Variants in GLRA3 observed in about 807,000 individuals in gnomAD.
The protein encoded by GLRA3 is glycine receptor alpha 3.
GLRA3 carries 44 observed loss-of-function variants against 60.4 expected under a neutral mutation model. That is an observed-to-expected ratio of 0.73 (90% CI 0.57 to 0.94). GLRA3 has a LOEUF of 0.94. GLRA3 is among the 40% of genes least tolerant of loss of function. GLRA3 has a pLI of 0.00. For missense variants in GLRA3, 508 were observed against 564.6 expected (o/e 0.90, Z 1.02); for synonymous variants, 223 against 192.9 (o/e 1.16, Z -1.29).
intron 3 of GLRA3, among the ~76,000 whole-genome samples, chr4:174,729,680 A>T (rs1736479929): frequency 6.6e-6 from 1 of 152,140 alleles, no homozygotes; most frequent in Admixed American, 6.6e-5. Flanking sequence ...CTTTATAAAT[A>T]TTTTTTTCTA....
chr4:174,675,895 A>G (rs775274995), intron 7 of GLRA3, among the ~76,000 whole-genome samples: 1 of 152,292 alleles, frequency 6.6e-6, no homozygotes, highest in South Asian at 2.1e-4. Flanking sequence ...CATAGAATGA[A>G]CTAATAGAAA....
chr4:174,806,107 A>G (rs1435876651), intron 1 of GLRA3, among the ~76,000 whole-genome samples: 1 of 152,166 alleles, frequency 6.6e-6, no homozygotes, highest in African/African-American at 2.4e-5. Context: ...TTCCTTGTAA[A>G]CATTTTTGAT....
chr4:174,657,743 G>A lies in GLRA3; in HGVS notation c.1072-956C>T, dbSNP rs541963784. On this transcript the variant is annotated intron_variant, in intron 8 of 9. Transcript: ENST00000274093. ...ACCAGTAGACCAGGGTGAGGTGAGGGAAGAAGATAAAGTTAATCTCCCCAT... is the reference window on the plus strand; with the variant it reads ...ACCAGTAGACCAGGGTGAGGTGAGGAAAGAAGATAAAGTTAATCTCCCCAT... 1.6e-4 allele frequency among the ~76,000 whole-genome samples: 24 copies of A among 152,180 alleles called. 1 individual carries two copies. The South Asian group carries it at 3.5e-3, about 22-fold the overall frequency.
intron 3 of GLRA3, among the ~76,000 whole-genome samples, chr4:174,749,360 A>G (rs749301154): frequency 8.5e-5 from 13 of 152,142 alleles, no homozygotes; most frequent in Non-Finnish European, 1.9e-4. Flanking sequence ...ACTGAATGCA[A>G]CTGGAGCAAT....
intron 3 of GLRA3, among the ~76,000 whole-genome samples, chr4:174,734,555 T>C (rs901872639): frequency 2.0e-5 from 3 of 152,140 alleles, no homozygotes; most frequent in African/African-American, 7.2e-5. Flanking sequence ...ACTTCTCCAT[T>C]ATCCATATGT....
At chr4:174,771,160 C>G (rs929702399) in intron 2 of GLRA3, among the ~76,000 whole-genome samples, 4 of 151,500 alleles carry the variant, frequency 2.6e-5, no homozygotes, top group African/African-American at 9.7e-5. Flanking sequence ...TGCAGCACAC[C>G]AACATGGCAC....
intron 5 of GLRA3, among the ~76,000 whole-genome samples, chr4:174,696,969 A>G (rs1735081899): frequency 6.6e-6 from 1 of 152,152 alleles, no homozygotes; most frequent in Admixed American, 6.6e-5. Context: ...TTCTATTCAA[A>G]TTTCCTAGCA....
At chr4:174,718,529 C>T (rs1736008432) in intron 4 of GLRA3, among the ~76,000 whole-genome samples, 1 of 152,030 alleles carries the variant, frequency 6.6e-6, no homozygotes, top group African/African-American at 2.4e-5. Flanking sequence ...AATTATTGAC[C>T]ACTTTTGTAC....
At chr4:174,759,682 TGTACTAAACAAGACAAC>T (rs1737866342) in intron 3 of GLRA3, among the ~76,000 whole-genome samples, 1 of 152,130 alleles carries the variant, frequency 6.6e-6, no homozygotes, top group South Asian at 2.1e-4. Flanking sequence ...TAATATAAAC[TGTACTAAACAAGACAAC>T]GTGATATCAG....
chr4:174,701,081 T>C (rs1221478946), intron 5 of GLRA3, among the ~76,000 whole-genome samples: 2 of 152,140 alleles, frequency 1.3e-5, no homozygotes, highest in Non-Finnish European at 2.9e-5. Flanking sequence ...CAATCTTCTA[T>C]TGGAAAAAGA....
intron 3 of GLRA3, among the ~76,000 whole-genome samples, chr4:174,739,936 A>G (rs1476105650): frequency 2.6e-5 from 4 of 152,236 alleles, no homozygotes; most frequent in African/African-American, 7.2e-5. Context: ...TGTACTTCCC[A>G]TCACCCTTTC....
chr4:174,718,911 T>C lies in GLRA3; in HGVS notation c.492-3341A>G, dbSNP rs76161173. ...TCACCTGACATTACACAGCAAAAAT[T>C]GCTACAGCTGAATTTGCAGCCCTGG... On this transcript the variant is annotated intron_variant, in intron 4 of 9. Coordinates refer to ENST00000274093, the MANE Select transcript of GLRA3 (RefSeq NM_006529.4). Among the ~76,000 whole-genome samples the C allele has an allele frequency of 5.1e-3, 779 of 151,446 alleles. 4 individuals are homozygous for C. The highest frequency in any genetic ancestry group is 0.018 in the African/African-American group (733 of 41,322).
At chr4:174,717,838 A>G (rs555457008) in intron 4 of GLRA3, among the ~76,000 whole-genome samples, 2 of 152,314 alleles carry the variant, frequency 1.3e-5, no homozygotes, top group East Asian at 3.9e-4. Flanking sequence ...TATATTTTGA[A>G]TGTACACACA....
chr4:174,718,936 G>C (rs977647618), intron 4 of GLRA3, among the ~76,000 whole-genome samples: 5 of 149,046 alleles, frequency 3.4e-5, no homozygotes, highest in Admixed American at 6.7e-5. Context: ...TGCAGCCCTG[G>C]GGTTCTAGTT....
At chr4:174,781,919 A>G (rs1738892433) in intron 2 of GLRA3, among the ~76,000 whole-genome samples, 1 of 152,132 alleles carries the variant, frequency 6.6e-6, no homozygotes, top group Non-Finnish European at 1.5e-5. Context: ...TCCTTCTGAA[A>G]CTATTCCAAT....
At chr4:174,684,774 G>C (rs182445354) in intron 5 of GLRA3, among the ~76,000 whole-genome samples, 15 of 152,172 alleles carry the variant, frequency 9.9e-5, no homozygotes, top group Admixed American at 2.6e-4. Flanking sequence ...TTGGAAGGCC[G>C]AGGCGGGCCG....
At chr4:174,741,626 G>A (rs917374184) in intron 3 of GLRA3, among the ~76,000 whole-genome samples, 2 of 151,486 alleles carry the variant, frequency 1.3e-5, no homozygotes, top group Non-Finnish European at 2.9e-5. Flanking sequence ...TTTTTAAATT[G>A]TGCTTTTGGT....
At chr4:174,651,719 C>T (rs1160972280) in intron 9 of GLRA3, among the ~76,000 whole-genome samples, 1 of 152,130 alleles carries the variant, frequency 6.6e-6, no homozygotes, top group African/African-American at 2.4e-5. Context: ...CCCTCAAGTC[C>T]TCACTGTCTT....
chr4:174,828,003 G>A (rs1741046782), intron 1 of GLRA3, among the ~76,000 whole-genome samples: 1 of 151,712 alleles, frequency 6.6e-6, no homozygotes, highest in Non-Finnish European at 1.5e-5. Context: ...ATTAAGAACG[G>A]GGTAAAATTA....
Sources: allele counts gnomAD v4.1 joint callset (sites outside exome capture counted in the v4.1 genomes callset), GRCh38; gene constraint gnomAD v4.1.1; transcripts MANE v1.5; gene names NCBI Gene and HGNC (gene_info 2026-07-23, HGNC 2026-07-21).